Variants in NDUFV3 observed in about 807,000 individuals in gnomAD.
NDUFV3 encodes the protein NADH dehydrogenase [ubiquinone] flavoprotein 3, mitochondrial.
NDUFV3 carries 44 observed loss-of-function variants against 37.5 expected under a neutral mutation model. The ratio of observed to expected loss-of-function variants is 1.17; its 90% CI spans 0.92 to 1.51. The LOEUF is 1.51. NDUFV3 is among the 40% of genes most tolerant of loss of function. The probability of loss-of-function intolerance (pLI) is 0.00; values close to 1 mark genes in which losing one functional copy is unlikely to be tolerated. For synonymous variants in NDUFV3, 235 were observed against 239.3 expected (o/e 0.98, Z 0.17); for missense variants, 580 against 580.4 (o/e 1.00, Z 0.01).
Position 42,897,036 on chromosome 21 carries a change from G to A in NDUFV3, c.158G>A (p.Ser53Asn), listed in dbSNP as rs780240349. 5 of 1,614,000 alleles carry A rather than the reference G, an allele frequency of 3.1e-6. No individual in the cohort carries two copies. Among genetic ancestry groups the A allele is most frequent in the Non-Finnish European group, 4.2e-6 (5 of 1,179,948 alleles). The change falls in exon 2 of 4, where the codon AGT becomes AAT. Residue 53 changes from serine to asparagine, a missense_variant. Ser to Asn is a conservative substitution (Grantham distance 46, BLOSUM62 1). Coordinates refer to ENST00000354250, the MANE Select transcript of NDUFV3 (RefSeq NM_021075.4). ...KGQPQNSKKQ[S>N]PPKNVVEPKE... is the part of the protein sequence containing the mutation. ...CAGCCACAGAATTCCAAGAAGCAAA[G>A]TCCACCAAAAAGTAAGATTTTGATG...
chr21:42,896,058 A>G lies in NDUFV3; in HGVS notation c.49-869A>G, dbSNP rs191832592. ...GAGTGCAGTGGCGTGATCTCAGCTCACTGCAACCTCCACCTCCTGAGTCTA... is the reference window on the plus strand; with the variant it reads ...GAGTGCAGTGGCGTGATCTCAGCTCGCTGCAACCTCCACCTCCTGAGTCTA... On this transcript the variant is annotated intron_variant, in intron 1 of 3. Coordinates refer to ENST00000354250, the MANE Select transcript of NDUFV3 (RefSeq NM_021075.4). Among the ~76,000 whole-genome samples, 575 of 140,966 alleles carry G rather than the reference A, an allele frequency of 4.1e-3. 5 individuals are homozygous for G. Among genetic ancestry groups the G allele is most frequent in the African/African-American group, 0.014 (528 of 37,346 alleles). The allele number at this position is 140,966 out of a possible 152,430, so 92.5% of individuals were successfully genotyped here. A position where few individuals can be genotyped will look rare whatever the true frequency, so the allele number is the denominator to read the frequency against.
Position 42,897,665 on chromosome 21 carries a change from G to A in NDUFV3, c.169+618G>A, listed in dbSNP as rs147368493. On this transcript the variant is annotated intron_variant, in intron 2 of 3. Coordinates refer to ENST00000354250, the MANE Select transcript of NDUFV3 (RefSeq NM_021075.4). ...TGGGATTACAGGCGTGAGCCACTGC[G>A]CCCGGCCTAAATCTTTAATTCTTTT... Among the ~76,000 whole-genome samples the A allele has an allele frequency of 5.9e-5, 9 of 151,624 alleles. No homozygotes were observed. In the South Asian group the frequency reaches 6.3e-4, roughly 11 times the overall value.
chr21:42,904,207 A>G lies in NDUFV3; in HGVS notation c.1195A>G (p.Lys399Glu). ...TTTCCATGAAAAGACAGCAGCGCTGAAGCTTGAGGCCGAGGGCGAGGCCAT... is the reference window on the plus strand; with the variant it reads ...TTTCCATGAAAAGACAGCAGCGCTGGAGCTTGAGGCCGAGGGCGAGGCCAT... ...HGFHEKTAALKLEAEGEAMED... is the reference protein window; with the variant it reads ...HGFHEKTAALELEAEGEAMED... Residue 399 changes from lysine to glutamate, a missense_variant, in exon 3 of 4, where the codon AAG (lysine) becomes GAG (glutamate). Coordinates refer to ENST00000354250, the MANE Select transcript of NDUFV3 (RefSeq NM_021075.4). 1.9e-6 allele frequency: 3 copies of G among 1,614,066 alleles called. No homozygotes were observed. Among genetic ancestry groups the G allele is most frequent in the South Asian group, 2.2e-5 (2 of 91,058 alleles).
chr21:42,893,461 C>A, intron 1 of NDUFV3, 80 bp downstream of exon 1: 1 of 1,486,368 alleles, frequency 6.7e-7, no homozygotes, highest in South Asian at 1.2e-5. Context: ...CGGTGCTGGT[C>A]AGGTCCGGGC....
chr21:42,906,863 TACTC>T (rs760146379), intron 3 of NDUFV3: 4 of 518,968 alleles, frequency 7.7e-6, no homozygotes, highest in South Asian at 4.2e-5. Flanking sequence ...ACACCGAAGA[TACTC>T]ACCTTGTGGA....
At chr21:42,905,966 C>T (rs1159476077) in intron 3 of NDUFV3, among the ~76,000 whole-genome samples, 4 of 151,052 alleles carry the variant, frequency 2.6e-5, no homozygotes, top group Non-Finnish European at 5.9e-5. Context: ...CACGTACAAA[C>T]GATTCTCCTG....
rs372332293 is a variant in NDUFV3, at chr21:42,908,844, G to A, written c.1265-20G>A. On this transcript the variant is annotated intron_variant, in intron 3 of 3. Transcript: ENST00000354250. ...AGCTGTCCTTGTGTTGGTCTCATGG[G>A]CATCGTGTTTCCTCCGCAGAGCCAG... 2.5e-6 allele frequency: 4 copies of A among 1,613,988 alleles called. No homozygotes were observed. The highest frequency in any genetic ancestry group is 2.5e-6 in the Non-Finnish European group (3 of 1,179,986).
intron 1 of NDUFV3, among the ~76,000 whole-genome samples, chr21:42,894,222 G>A (rs2058671070): frequency 7.1e-6 from 1 of 139,948 alleles, no homozygotes; most frequent in Admixed American, 7.7e-5. Flanking sequence ...ATAAAATAAG[G>A]CTAAGACCAC....
rs963899637 is a variant in NDUFV3 at position 42,893,321 on chromosome 21, C to A, written c.-13C>A. On this transcript the variant is annotated 5_prime_UTR_variant, in exon 1 of 4. Transcript: ENST00000354250. The stretch of plus-strand genomic sequence containing the variant: ...CTGCTGTGGCCCTGCTTGGTGCGCC[C>A]GCTGTCACCGCCATGGCTGCCCCGT... The A allele has an allele frequency of 2.0e-6, 3 of 1,537,582 alleles. No individual in the cohort carries two copies. The highest frequency in any genetic ancestry group is 1.2e-5 in the South Asian group (1 of 83,962).
At chr21:42,896,139 G>A (rs1043986477) in intron 1 of NDUFV3, among the ~76,000 whole-genome samples, 6 of 144,784 alleles carry the variant, frequency 4.1e-5, no homozygotes, top group East Asian at 4.0e-4. Context: ...ATGCACCACC[G>A]TGCCTGGCTA....
At chr21:42,898,329 C>G (rs765095638) in intron 2 of NDUFV3, among the ~76,000 whole-genome samples, 10 of 152,176 alleles carry the variant, frequency 6.6e-5, no homozygotes, top group Non-Finnish European at 1.3e-4. Flanking sequence ...CTCTCCCAGG[C>G]TGGAGTGCAG....
At chr21:42,904,939 C>T (rs1201531547) in intron 3 of NDUFV3, among the ~76,000 whole-genome samples, 1 of 151,674 alleles carries the variant, frequency 6.6e-6, no homozygotes, top group Non-Finnish European at 1.5e-5. Flanking sequence ...TACAGTCCCC[C>T]ACCACCATGT....
intron 2 of NDUFV3, among the ~76,000 whole-genome samples, chr21:42,902,897 C>T (rs769176392): frequency 1.1e-4 from 17 of 152,122 alleles, no homozygotes; most frequent in Non-Finnish European, 2.1e-4. Flanking sequence ...CTCTAGATTA[C>T]TTATAATACC....
At chr21:42,897,115 A>G (rs1451793997) in intron 2 of NDUFV3, 68 bp downstream of exon 2, 6 of 1,571,288 alleles carry the variant, frequency 3.8e-6, no homozygotes, top group African/African-American at 1.4e-5. Flanking sequence ...CAGCCTTCGA[A>G]GCACGACAGT....
intron 2 of NDUFV3, among the ~76,000 whole-genome samples, chr21:42,898,736 AT>A (rs1435321279): frequency 6.6e-6 from 1 of 152,142 alleles, no homozygotes; most frequent in Non-Finnish European, 1.5e-5. Context: ...CTCCCATAGT[AT>A]TGGGATTACA....
chr21:42,896,585 G>T (rs956784634), intron 1 of NDUFV3, among the ~76,000 whole-genome samples: 16 of 152,000 alleles, frequency 1.1e-4, no homozygotes, highest in African/African-American at 3.9e-4. Context: ...GCCAATCCCA[G>T]CACTTCAGGA....
rs993632173 is a variant in NDUFV3 at position 42,905,601 on chromosome 21, C to T, written c.1264+1325C>T. Among the ~76,000 whole-genome samples, 13 of 152,164 alleles carry T rather than the reference C, an allele frequency of 8.5e-5. No individual in the cohort carries two copies. In the South Asian group the frequency reaches 1.2e-3, roughly 15 times the overall value. ...CGCAATCTTGGCTCACTGTAACCTC[C>T]GCCTCCTGGGTTCAAGTGATTCTCC... is the stretch of plus-strand genomic sequence containing the variant. On this transcript the variant is annotated intron_variant, in intron 3 of 3. Transcript: ENST00000354250.
chr21:42,907,247 G>A (rs2058745879), intron 3 of NDUFV3, among the ~76,000 whole-genome samples: 1 of 152,092 alleles, frequency 6.6e-6, no homozygotes, highest in South Asian at 2.1e-4. Context: ...TAATTTTCTT[G>A]TATCAGAGAT....
chr21:42,900,880 A>G lies in NDUFV3; in HGVS notation c.170-2302A>G, dbSNP rs375551995. On this transcript the variant is annotated intron_variant, in intron 2 of 3. Coordinates refer to ENST00000354250, the MANE Select transcript of NDUFV3 (RefSeq NM_021075.4). ...GAGGAAGGCTGCCGGCACAGATATC[A>G]GGGGCTGGATGTTCTTGGAGGTGCA... Among the ~76,000 whole-genome samples, 13 of 152,258 alleles carry G rather than the reference A, an allele frequency of 8.5e-5. 1 individual carries two copies. The East Asian group carries it at 1.2e-3, about 14-fold the overall frequency.
Sources: gnomAD v4.1 joint callset for allele counts (sites outside exome capture counted in the v4.1 genomes callset) on GRCh38, gnomAD v4.1.1 for gene constraint, MANE v1.5 for transcripts, NCBI Gene and HGNC (gene_info 2026-07-23, HGNC 2026-07-21) for gene names.